Variants in ALPK1 observed in about 807,000 individuals in gnomAD.
The protein encoded by ALPK1 is alpha kinase 1, also known as alpha-protein kinase 1.
In ALPK1, 110 loss-of-function variants were observed where a neutral mutation model predicts 120.6. The observed-to-expected ratio is 0.91, with a 90% CI of 0.78 to 1.07. The LOEUF is 1.07. Among genes scored for constraint, ALPK1 ranks in the 50% least tolerant of loss-of-function variants. ALPK1 has a pLI of 0.00. For synonymous variants in ALPK1, 582 were observed against 560.3 expected (o/e 1.04, Z -0.55); for missense variants, 1,498 against 1,483.9 (o/e 1.01, Z -0.16).
In ALPK1 at chr4:112,431,732, C is replaced by A; in HGVS notation, c.2185C>A (p.Pro729Thr). The A allele has an allele frequency of 6.2e-7, 1 of 1,614,152 alleles. No homozygotes were observed. ...TTCTTGGTCTTCTGATTCTGGTAGG[C>A]CCAAGAATATGGGCACACATCCTTC... ...SASWSSDSGR[P>T]KNMGTHPSVQ... Residue 729 changes from proline to threonine, a missense_variant, in exon 11 of 16, where the codon CCC becomes ACC. Physicochemically the swap from Pro to Thr is conservative, Grantham distance 38. Coordinates refer to ENST00000650871, the MANE Select transcript of ALPK1 (RefSeq NM_025144.4).
At chr4:112,356,312 C>T (rs1730609892) in intron 2 of ALPK1, 1 of 944,782 alleles carries the variant, frequency 1.1e-6, no homozygotes, top group African/African-American at 1.6e-5. Flanking sequence ...CTGGCGAGAA[C>T]ACCTCCAAGA....
At chr4:112,334,305 C>T (rs530034933) in intron 2 of ALPK1, among the ~76,000 whole-genome samples, 1 of 151,892 alleles carries the variant, frequency 6.6e-6, no homozygotes, top group Non-Finnish European at 1.5e-5. Context: ...TGGTGGCATG[C>T]GCCTGTAGTC....
At chr4:112,427,536 C>A (rs1371084878) in intron 8 of ALPK1, 34 bp from the exon 9 acceptor site, 2 of 1,512,598 alleles carry the variant, frequency 1.3e-6, no homozygotes, top group Non-Finnish European at 9.2e-7. Context: ...ACTGTGAATT[C>A]CCGATCTGTG....
At chr4:112,354,484 C>T (rs539668741) in intron 2 of ALPK1, among the ~76,000 whole-genome samples, 16 of 152,026 alleles carry the variant, frequency 1.1e-4, no homozygotes, top group African/African-American at 3.9e-4. Context: ...TTTTTGTTTT[C>T]AGACACAGTC....
chr4:112,344,298 G>C (rs1730008831), intron 2 of ALPK1, among the ~76,000 whole-genome samples: 1 of 152,198 alleles, frequency 6.6e-6, no homozygotes, highest in South Asian at 2.1e-4. Context: ...GTTCCAGCCT[G>C]AACTGCTGCG....
chr4:112,297,980 G>A (rs1727617105), intron 1 of ALPK1, among the ~76,000 whole-genome samples: 1 of 152,138 alleles, frequency 6.6e-6, no homozygotes, highest in Non-Finnish European at 1.5e-5. Flanking sequence ...TCTCATATGG[G>A]TGAATTGACG....
chr4:112,317,978 A>G lies in ALPK1; in HGVS notation c.-101+2126A>G, dbSNP rs185139959. On this transcript the variant is annotated intron_variant, in intron 2 of 15. Coordinates refer to ENST00000650871, the MANE Select transcript of ALPK1 (RefSeq NM_025144.4). ...CTGAAAATATGCCTCAAACCACAAG[A>G]CGTGTGTGTACTTTAGATACTATCG... Among the ~76,000 whole-genome samples the G allele has an allele frequency of 3.9e-3, 601 of 152,290 alleles. 5 individuals carry two copies. The highest frequency in any genetic ancestry group is 0.014 in the African/African-American group (576 of 41,550).
chr4:112,368,741 G>A (rs1280335365), intron 2 of ALPK1, among the ~76,000 whole-genome samples: 2 of 152,192 alleles, frequency 1.3e-5, no homozygotes, highest in Non-Finnish European at 2.9e-5. Flanking sequence ...CCATCAAGCA[G>A]CATGTTTTGC....
Position 112,425,968 on chromosome 4 carries a change from C to T in ALPK1, c.622+217C>T, listed in dbSNP as rs548087928. On this transcript the variant is annotated intron_variant, in intron 7 of 15. Transcript: ENST00000650871. The stretch of plus-strand genomic sequence containing the variant: ...TAGTGAGTTTTGTTAGAGAGGTTCA[C>T]GGTTGTATATTGTAATGTTAACTGT... The T allele has an allele frequency of 2.7e-5, 11 of 408,608 alleles. No individual in the cohort carries two copies. In the Admixed American group the frequency reaches 3.5e-4, roughly 13 times the overall value. The allele number at this position is 408,608 out of a possible 1,614,324, so 25.3% of individuals were successfully genotyped here. A position where few individuals can be genotyped will look rare whatever the true frequency, so the allele number is the denominator to read the frequency against.
chr4:112,307,779 A>G (rs1475914313), intron 1 of ALPK1, among the ~76,000 whole-genome samples: 1 of 152,058 alleles, frequency 6.6e-6, no homozygotes, highest in Non-Finnish European at 1.5e-5. Flanking sequence ...TGTGAATTTG[A>G]CCCTGTCATT....
chr4:112,438,583 CA>C lies in ALPK1; in HGVS notation c.3290del (p.Lys1097ArgfsTer21), dbSNP rs778806356. ...CACAGCACTATGTGACAGAATTTAACAAGAGACTCTATGAACAAAACATTCC... is the reference window on the plus strand; with the variant it reads ...CACAGCACTATGTGACAGAATTTAACAGAGACTCTATGAACAAAACATTCC... ...TAQHYVTEFN[K>X]RLYEQNIPTQ... On this transcript the variant is annotated frameshift_variant, in exon 13 of 16. Transcript: ENST00000650871. LOFTEE classifies it high-confidence loss of function. 1.4e-5 allele frequency: 22 copies of C among 1,613,790 alleles called. No individual in the cohort carries two copies. The East Asian group carries it at 4.7e-4, about 34-fold the overall frequency.
chr4:112,369,396 A>T (rs1188402064), intron 2 of ALPK1, among the ~76,000 whole-genome samples: 1 of 152,248 alleles, frequency 6.6e-6, no homozygotes, highest in Non-Finnish European at 1.5e-5. Flanking sequence ...GAGAAGAGTG[A>T]AATGGTGGGA....
At chr4:112,363,355 G>A (rs1261796353) in intron 2 of ALPK1, among the ~76,000 whole-genome samples, 1 of 152,148 alleles carries the variant, frequency 6.6e-6, no homozygotes, top group Non-Finnish European at 1.5e-5. Flanking sequence ...AGGTAAAGGG[G>A]TGGAAAAGAT....
chr4:112,395,777 C>T (rs764321581), intron 4 of ALPK1, among the ~76,000 whole-genome samples: 92 of 152,210 alleles, frequency 6.0e-4, no homozygotes, highest in African/African-American at 1.9e-3. Context: ...ATTTTAATGA[C>T]GGTCACAGTT....
At chr4:112,365,157 C>A (rs1375707931) in intron 2 of ALPK1, among the ~76,000 whole-genome samples, 1 of 151,956 alleles carries the variant, frequency 6.6e-6, no homozygotes, top group Admixed American at 6.6e-5. Flanking sequence ...GACAAAGACG[C>A]CCACTTTCAC....
chr4:112,409,716 A>G (rs1733363747), intron 4 of ALPK1, among the ~76,000 whole-genome samples: 1 of 152,174 alleles, frequency 6.6e-6, no homozygotes, highest in South Asian at 2.1e-4. Flanking sequence ...ATTCTTCTAA[A>G]ATTTACCAGT....
At chr4:112,324,979 G>A (rs1034011213) in intron 2 of ALPK1, among the ~76,000 whole-genome samples, 2 of 140,740 alleles carry the variant, frequency 1.4e-5, no homozygotes, top group East Asian at 2.5e-4. Flanking sequence ...AAAAAAGGGG[G>A]GGGGGGGCAA....
At position 112,430,920 on chromosome 4, in the gene ALPK1, C is replaced by T; in HGVS notation, c.1373C>T (p.Thr458Ile). The change falls in exon 11 of 16, where the codon ACC becomes ATC. Residue 458 changes from threonine (T) to isoleucine (I), a missense_variant. By Grantham distance (89) the Thr-to-Ile change is moderately conservative (BLOSUM62 -1). Transcript: ENST00000650871. ...GQGDFQKILDTYSQHHTSVCE... is the reference protein window; with the variant it reads ...GQGDFQKILDIYSQHHTSVCE... ...GGGGATTTCCAAAAAATCCTTGACA[C>T]CTATTCACAGCACCATACTTCGGTG... The T allele has an allele frequency of 6.2e-7, 1 of 1,614,112 alleles. No individual in the cohort carries two copies. The highest frequency in any genetic ancestry group is 1.3e-5 in the African/African-American group (1 of 75,032).
intron 2 of ALPK1, among the ~76,000 whole-genome samples, chr4:112,324,368 A>G (rs1729012668): frequency 6.6e-6 from 1 of 150,472 alleles, no homozygotes; most frequent in African/African-American, 2.4e-5. Flanking sequence ...TCTTTGTCCC[A>G]GTGAGAGACA....
Sources: allele counts gnomAD v4.1 joint callset (sites outside exome capture counted in the v4.1 genomes callset), GRCh38; gene constraint gnomAD v4.1.1; transcripts MANE v1.5; gene names NCBI Gene and HGNC (gene_info 2026-07-23, HGNC 2026-07-21).